DPY19L1: variants seen among roughly 807,000 people sequenced by gnomAD.
The protein encoded by DPY19L1 is dpy-19 like C-mannosyltransferase 1.
Under a neutral mutation model 96.9 loss-of-function variants are expected in DPY19L1, and 35 were observed. The ratio of observed to expected loss-of-function variants is 0.36; its 90% CI spans 0.28 to 0.48. The LOEUF is 0.48. DPY19L1 is among the 20% of genes least tolerant of loss of function. The pLI is 0.99. For synonymous variants in DPY19L1, 205 were observed against 252.6 expected, an observed-to-expected ratio of 0.81 and a Z score of 1.79; for missense variants, 521 against 777.9, an observed-to-expected ratio of 0.67 and a Z score of 3.93.
chr7:35,003,346 G>A (rs1302907825), intron 6 of DPY19L1, among the ~76,000 whole-genome samples: 1 of 152,158 alleles, frequency 6.6e-6, no homozygotes, highest in African/African-American at 2.4e-5. Context: ...CACAAACCAT[G>A]GAAGGTAGCC....
chr7:35,024,742 G>A (rs1004146258), intron 1 of DPY19L1, among the ~76,000 whole-genome samples: 3 of 152,168 alleles, frequency 2.0e-5, no homozygotes, highest in Admixed American at 2.0e-4. Flanking sequence ...GACTTCAAAT[G>A]TGGCATTTTG....
chr7:34,961,438 C>G (rs1396322724), intron 10 of DPY19L1, among the ~76,000 whole-genome samples: 1 of 152,098 alleles, frequency 6.6e-6, no homozygotes, highest in Non-Finnish European at 1.5e-5. Context: ...AACTAGAGAT[C>G]CACATACAAA....
intron 6 of DPY19L1, among the ~76,000 whole-genome samples, chr7:34,991,220 A>G (rs1785161295): frequency 1.3e-5 from 2 of 152,256 alleles, no homozygotes; most frequent in Non-Finnish European, 2.9e-5. Flanking sequence ...CTCACATTTC[A>G]GGAGAGTGGT....
intron 6 of DPY19L1, among the ~76,000 whole-genome samples, chr7:34,997,436 C>CAAAAAAA (rs397836742): frequency 3.6e-3 from 334 of 91,774 alleles, no homozygotes; most frequent in Non-Finnish European, 4.9e-3. Context: ...ACTAAAAATA[C>CAAAAAAA]AAAAAAAAAA....
intron 8 of DPY19L1, among the ~76,000 whole-genome samples, chr7:34,971,150 AG>A (rs1411881596): frequency 6.6e-6 from 1 of 152,128 alleles, no homozygotes; most frequent in Non-Finnish European, 1.5e-5. Context: ...AACTATAGGT[AG>A]AAACCAAGAC....
chr7:35,016,245 G>T (rs1358846822), intron 3 of DPY19L1, among the ~76,000 whole-genome samples: 1 of 152,166 alleles, frequency 6.6e-6, no homozygotes, highest in Non-Finnish European at 1.5e-5. Context: ...ATGGATACTA[G>T]TGAGGTCACA....
chr7:35,017,265 G>A (rs914928652), intron 3 of DPY19L1, among the ~76,000 whole-genome samples: 112 of 151,338 alleles, frequency 7.4e-4, no homozygotes, highest in Admixed American at 2.0e-3. Flanking sequence ...AGGCCGAGGC[G>A]GGTGGATCAT....
At chr7:34,954,644 T>C (rs143784376) in intron 13 of DPY19L1, 54 bp downstream of exon 13, 21 of 1,027,048 alleles carry the variant, frequency 2.0e-5, no homozygotes, top group African/African-American at 1.9e-4. Flanking sequence ...AATTTATTCT[T>C]AGCCTATTCG....
chr7:34,967,072 C>T (rs1433504355), intron 9 of DPY19L1, 101 bp from the exon 10 acceptor site: 1 of 808,312 alleles, frequency 1.2e-6, no homozygotes, highest in Non-Finnish European at 1.8e-6. Context: ...TATCTACACA[C>T]AGAGTGAGTT....
At chr7:35,012,551 T>G (rs191082866) in intron 4 of DPY19L1, among the ~76,000 whole-genome samples, 165 of 152,236 alleles carry the variant, frequency 1.1e-3, no homozygotes, top group Non-Finnish European at 1.6e-3. Context: ...CAGTGTTAGG[T>G]TACACACAAT....
upstream of DPY19L1, chr7:35,037,833 G>A (rs906228889): frequency 3.2e-6 from 4 of 1,230,788 alleles, no homozygotes; most frequent in African/African-American, 4.7e-5. Flanking sequence ...CGGCGCCCGC[G>A]CGGGGCTCGG....
chr7:34,979,556 G>T (rs1023301638), intron 7 of DPY19L1, among the ~76,000 whole-genome samples: 7 of 151,976 alleles, frequency 4.6e-5, no homozygotes, highest in African/African-American at 1.4e-4. Context: ...AACCATACTT[G>T]GTAGGATTGT....
At chr7:34,980,765 T>C (rs1784923219) in intron 7 of DPY19L1, among the ~76,000 whole-genome samples, 1 of 152,170 alleles carries the variant, frequency 6.6e-6, no homozygotes, top group South Asian at 2.1e-4. Flanking sequence ...AGAATGACTA[T>C]AATTAAGAGG....
intron 10 of DPY19L1, among the ~76,000 whole-genome samples, chr7:34,963,293 C>G (rs1368439258): frequency 6.6e-6 from 1 of 151,734 alleles, no homozygotes; most frequent in Non-Finnish European, 1.5e-5. Context: ...TGAGATATCA[C>G]CTTATACCTA....
chr7:34,973,481 A>T, intron 8 of DPY19L1, 33 bp downstream of exon 8: 1 of 1,341,378 alleles, frequency 7.5e-7, no homozygotes, highest in East Asian at 2.7e-5. Flanking sequence ...AAATTATTTA[A>T]TGCAAAAAGA....
chr7:34,985,172 T>C (rs181897257), intron 7 of DPY19L1, among the ~76,000 whole-genome samples: 1 of 152,278 alleles, frequency 6.6e-6, no homozygotes, highest in Non-Finnish European at 1.5e-5. Flanking sequence ...TTTGAAATGC[T>C]ACTCCCCTAA....
At chr7:34,995,322 TAA>T (rs34599171) in intron 6 of DPY19L1, among the ~76,000 whole-genome samples, 2 of 147,916 alleles carry the variant, frequency 1.4e-5, no homozygotes, top group African/African-American at 2.5e-5. Flanking sequence ...CCCTAGTGGT[TAA>T]AAAAAAAAAG....
intron 8 of DPY19L1, among the ~76,000 whole-genome samples, chr7:34,970,778 C>T (rs538969943): frequency 1.3e-5 from 2 of 150,176 alleles, no homozygotes; most frequent in Non-Finnish European, 3.0e-5. Context: ...CAAAGAAAAT[C>T]CAATTGGTGA....
chr7:34,966,297 A>T (rs1784606759), intron 10 of DPY19L1, among the ~76,000 whole-genome samples: 1 of 151,866 alleles, frequency 6.6e-6, no homozygotes, highest in African/African-American at 2.4e-5. Flanking sequence ...CAGTTAATGA[A>T]CTTTTTTTCT....
Sources: allele counts gnomAD v4.1 joint callset (sites outside exome capture counted in the v4.1 genomes callset), GRCh38; gene constraint gnomAD v4.1.1; transcripts MANE v1.5; gene names NCBI Gene and HGNC (gene_info 2026-07-23, HGNC 2026-07-21).